Variants in TMEM255A observed in about 807,000 individuals in gnomAD.
TMEM255A encodes transmembrane protein 255A.
Under a neutral mutation model 23.5 loss-of-function variants are expected in TMEM255A, and 14 were observed. The observed-to-expected ratio is 0.60, with a 90% CI of 0.39 to 0.93. The LOEUF is 0.93. Among genes scored for constraint, TMEM255A ranks in the 40% least tolerant of loss-of-function variants. TMEM255A has a pLI of 0.00. For missense variants in TMEM255A, 233 were observed against 261.7 expected (o/e 0.89, Z 0.76); for synonymous variants, 104 against 100.3 (o/e 1.04, Z -0.22).
intron 7 of TMEM255A, among the ~76,000 whole-genome samples, chrX:120,269,240 G>A (rs1556018232): frequency 9.0e-6 from 1 of 111,390 alleles, no homozygotes. Context: ...CAGAATGGAG[G>A]CCCTGCTCTC....
the TMEM255A span, chrX:120,253,431 C>T: frequency 4.1e-6 from 5 of 1,208,000 alleles, no homozygotes; most frequent in Non-Finnish European, 2.2e-6. Context: ...GAGTAGAAAA[C>T]TGATTTCTGC....
At chrX:120,253,613 AGTT>A in the TMEM255A span, 1 of 1,212,239 alleles carries the variant, frequency 8.2e-7, no homozygotes, top group South Asian at 1.8e-5. Context: ...TTGCTGGGCA[AGTT>A]GTTGAACTGA....
At chrX:120,308,028 T>G (rs1372482376) in intron 1 of TMEM255A, among the ~76,000 whole-genome samples, 2 of 112,322 alleles carry the variant, frequency 1.8e-5, no homozygotes, top group African/African-American at 3.2e-5. Flanking sequence ...AGCCCCCATC[T>G]GCATTGCGGT....
chrX:120,307,220 A>G (rs1029374464), intron 1 of TMEM255A, among the ~76,000 whole-genome samples: 3 of 112,230 alleles, frequency 2.7e-5, no homozygotes, highest in Admixed American at 9.4e-5. Context: ...TAAAATTCAC[A>G]TCTACTTAGA....
intron 1 of TMEM255A, 40 bp downstream of exon 1, chrX:120,311,212 C>T: frequency 1.8e-6 from 2 of 1,138,470 alleles, no homozygotes; most frequent in Non-Finnish European, 2.4e-6. Flanking sequence ...GGCACTCAAC[C>T]CCTGCTGCCG....
At chrX:120,274,682 A>G (rs1237234063) in intron 7 of TMEM255A, among the ~76,000 whole-genome samples, 1 of 112,282 alleles carries the variant, frequency 8.9e-6, no homozygotes, top group Non-Finnish European at 1.9e-5. Flanking sequence ...CTCAAAGTAT[A>G]AACACCTCTG....
chrX:120,281,779 C>T (rs1277013329), intron 6 of TMEM255A, among the ~76,000 whole-genome samples: 1 of 112,485 alleles, frequency 8.9e-6, no homozygotes, highest in Non-Finnish European at 1.9e-5. Flanking sequence ...ATTGACTTGA[C>T]CTTTCCAAAG....
At chrX:120,300,736 A>T (rs1280783376) in intron 2 of TMEM255A, among the ~76,000 whole-genome samples, 1 of 107,763 alleles carries the variant, frequency 9.3e-6, no homozygotes, top group Non-Finnish European at 1.9e-5. Flanking sequence ...TATTTGAGAC[A>T]GTCTTGCTTT....
downstream of TMEM255A, chrX:120,254,829 G>A (rs2057626684): frequency 8.3e-7 from 1 of 1,211,814 alleles, no homozygotes; most frequent in Middle Eastern, 2.3e-4. Context: ...CAGCGAGATG[G>A]CAAACAAACG....
chrX:120,293,120 A>T (rs1556023325), intron 3 of TMEM255A, among the ~76,000 whole-genome samples: 1 of 112,222 alleles, frequency 8.9e-6, no homozygotes, highest in African/African-American at 3.2e-5. Context: ...CTGTCCTTGG[A>T]GCTATTACGT....
At chrX:120,304,235 G>C in intron 2 of TMEM255A, 114 bp downstream of exon 2, 1 of 809,896 alleles carries the variant, frequency 1.2e-6, no homozygotes, top group Non-Finnish European at 1.8e-6. Flanking sequence ...AGATACAAAG[G>C]AGGAAATCTG....
At chrX:120,295,296 T>C (rs1323600041) in intron 2 of TMEM255A, among the ~76,000 whole-genome samples, 1 of 111,498 alleles carries the variant, frequency 9.0e-6, no homozygotes, top group Non-Finnish European at 1.9e-5. Flanking sequence ...CACAGGGACA[T>C]CTATTTCAAT....
intron 7 of TMEM255A, among the ~76,000 whole-genome samples, chrX:120,272,304 G>A (rs1469669612): frequency 8.9e-6 from 1 of 111,943 alleles, no homozygotes; most frequent in South Asian, 3.8e-4. Context: ...TGCCTCTGGG[G>A]AGCATGAGGA....
At chrX:120,295,680 C>T (rs994246475) in intron 2 of TMEM255A, among the ~76,000 whole-genome samples, 13 of 111,987 alleles carry the variant, frequency 1.2e-4, no homozygotes, top group Middle Eastern at 4.2e-3. Context: ...AACCCCAGCT[C>T]TTCTATGTCT....
At chrX:120,282,996 A>G (rs1221894724) in intron 6 of TMEM255A, among the ~76,000 whole-genome samples, 1 of 110,859 alleles carries the variant, frequency 9.0e-6, no homozygotes, top group Non-Finnish European at 1.9e-5. Context: ...GAGAGCACCA[A>G]GGAAAATGGA....
intron 1 of TMEM255A, among the ~76,000 whole-genome samples, chrX:120,310,354 C>G (rs1185926722): frequency 9.1e-6 from 1 of 110,330 alleles, no homozygotes; most frequent in Non-Finnish European, 1.9e-5. Context: ...TTTTTTGTAA[C>G]TACCAAAAAG....
intron 2 of TMEM255A, among the ~76,000 whole-genome samples, chrX:120,298,457 G>A (rs960703693): frequency 9.0e-6 from 1 of 110,897 alleles, no homozygotes; most frequent in African/African-American, 3.3e-5. Flanking sequence ...CTAACTTGGT[G>A]GCAAAACCTG....
downstream of TMEM255A, chrX:120,255,297 G>C (rs1194422478): frequency 8.3e-7 from 1 of 1,209,857 alleles, no homozygotes; most frequent in African/African-American, 1.7e-5. Flanking sequence ...ACCTCCAGTA[G>C]GGACCACTAC....
chrX:120,304,337 T>G lies in TMEM255A; in HGVS notation c.201+12A>C, dbSNP rs782477141. 6 of 1,207,155 alleles carry G rather than the reference T, an allele frequency of 5.0e-6. No homozygotes were observed. The South Asian group carries it at 1.1e-4, about 21-fold the overall frequency. ...CAAGCTACTGCGACCTACCTGTGCC[T>G]TCTATACTTACAATAACTCCGGGGT... On this transcript the variant is annotated intron_variant, in intron 2 of 8. Transcript: ENST00000371369.
Sources: gnomAD v4.1 joint callset for allele counts (sites outside exome capture counted in the v4.1 genomes callset) on GRCh38, gnomAD v4.1.1 for gene constraint, MANE v1.5 for transcripts, NCBI Gene and HGNC (gene_info 2026-07-23, HGNC 2026-07-21) for gene names.